The following SPHKAP variants were observed in gnomAD, a reference collection of about 807,000 sequenced individuals.
SPHKAP encodes A-kinase anchor protein SPHKAP.
A neutral mutation model predicts 137.5 loss-of-function variants in SPHKAP; 67 were observed. The observed-to-expected ratio is 0.49, with a 90% confidence interval of 0.40 to 0.60. SPHKAP has a LOEUF of 0.60. Among genes scored for constraint, SPHKAP ranks in the 20% least tolerant of loss-of-function variants. The pLI is 0.00. For synonymous variants in SPHKAP, 813 were observed against 785.3 expected, an observed-to-expected ratio of 1.04 and a Z score of -0.59; for missense variants, 2,097 against 2,069.3, an observed-to-expected ratio of 1.01 and a Z score of -0.26.
At chr2:228,093,926 G>C (rs968941725) in intron 3 of SPHKAP, among the ~76,000 whole-genome samples, 9 of 149,790 alleles carry the variant, frequency 6.0e-5, no homozygotes, top group South Asian at 2.1e-4. Context: ...CAGTTGCCTA[G>C]GCCTAAGGAG....
chr2:227,981,652 G>A lies in SPHKAP; in HGVS notation c.*65C>T. Reference sequence around the variant, plus strand: ...GTTTTGAGAATGTTTAGAGCATTTAGAACAAACCACTGTAATCTAAGTTGG... The same window carrying A: ...GTTTTGAGAATGTTTAGAGCATTTAAAACAAACCACTGTAATCTAAGTTGG... On this transcript the variant is annotated 3_prime_UTR_variant, in exon 12 of 12. Coordinates refer to ENST00000392056, the MANE Select transcript of SPHKAP (RefSeq NM_001142644.2). 6.5e-7 allele frequency: 1 copy of A among 1,548,450 alleles called. No individual in the cohort carries two copies. The highest frequency in any genetic ancestry group is 8.7e-7 in the Non-Finnish European group (1 of 1,150,226).
chr2:228,062,355 C>T (rs1274457202), intron 3 of SPHKAP, among the ~76,000 whole-genome samples: 3 of 151,934 alleles, frequency 2.0e-5, no homozygotes, highest in Admixed American at 6.5e-5. Context: ...GAACTCCTGA[C>T]CTCAGGTGAT....
chr2:228,127,365 T>C (rs1326731898), intron 2 of SPHKAP, among the ~76,000 whole-genome samples: 18 of 152,186 alleles, frequency 1.2e-4, no homozygotes, highest in Admixed American at 1.1e-3. Flanking sequence ...TGACTTTTTA[T>C]TGGGTGCTTT....
intron 7 of SPHKAP, 61 bp from the exon 8 acceptor site, chr2:227,995,755 T>A: frequency 1.4e-6 from 2 of 1,447,490 alleles, no homozygotes; most frequent in Non-Finnish European, 1.8e-6. Context: ...CACAGAAACT[T>A]CACAGAGCCA....
chr2:228,061,161 C>T (rs1696619118), intron 3 of SPHKAP, among the ~76,000 whole-genome samples: 1 of 152,186 alleles, frequency 6.6e-6, no homozygotes, highest in Admixed American at 6.5e-5. Context: ...AGCAGATGTG[C>T]TCTGTTGGTT....
chr2:228,030,240 G>A (rs1243173686), intron 3 of SPHKAP, among the ~76,000 whole-genome samples: 4 of 152,132 alleles, frequency 2.6e-5, no homozygotes, highest in East Asian at 1.9e-4. Context: ...TAACGGCCGC[G>A]TACGGTGGCT....
chr2:228,032,688 A>C (rs1042930981), intron 3 of SPHKAP, among the ~76,000 whole-genome samples: 6 of 152,208 alleles, frequency 3.9e-5, no homozygotes, highest in Non-Finnish European at 8.8e-5. Context: ...CTTGGCAGAA[A>C]CTCTACAAGC....
At chr2:228,037,888 G>A (rs1314243560) in intron 3 of SPHKAP, among the ~76,000 whole-genome samples, 2 of 152,178 alleles carry the variant, frequency 1.3e-5, no homozygotes, top group African/African-American at 4.8e-5. Context: ...AATAGACAAT[G>A]TGACTGGATT....
intron 1 of SPHKAP, among the ~76,000 whole-genome samples, chr2:228,146,834 T>C (rs2106393641): frequency 6.6e-6 from 1 of 152,352 alleles, no homozygotes; most frequent in African/African-American, 2.4e-5. Context: ...TTCCATGTCT[T>C]AGCTATTGTG....
At chr2:228,078,030 C>T (rs1174965697) in intron 3 of SPHKAP, among the ~76,000 whole-genome samples, 2 of 152,176 alleles carry the variant, frequency 1.3e-5, no homozygotes, top group African/African-American at 2.4e-5. Flanking sequence ...TTGCCTGCTG[C>T]CATCCACATA....
In SPHKAP at chr2:228,016,657, T is replaced by C; in HGVS notation, c.4197A>G (p.Leu1399=). The C allele has an allele frequency of 1.9e-6, 3 of 1,614,038 alleles. No individual in the cohort carries two copies. In the East Asian group the frequency reaches 6.7e-5, roughly 36 times the overall value. The change falls in exon 7 of 12, where the codon TTA becomes TTG. Residue 1399 remains leucine (L), a synonymous_variant. Coordinates refer to ENST00000392056, the MANE Select transcript of SPHKAP (RefSeq NM_001142644.2). Reference sequence around the variant, plus strand: ...ACGAGGAAGTTTCTTTTTTAGAATCTAAAGGGCTGTGGTTTGTAAGAGAAG... The same window carrying C: ...ACGAGGAAGTTTCTTTTTTAGAATCCAAAGGGCTGTGGTTTGTAAGAGAAG... ...KTASLTNHSP[L]DSKKETSSCQ... is the part of the protein sequence containing the mutation.
chr2:228,162,079 T>C (rs1700291687), intron 1 of SPHKAP, among the ~76,000 whole-genome samples: 1 of 152,226 alleles, frequency 6.6e-6, no homozygotes, highest in South Asian at 2.1e-4. Context: ...TTTGTTTTTA[T>C]TTTTGATAGA....
chr2:228,051,804 C>G (rs921170345), intron 3 of SPHKAP, among the ~76,000 whole-genome samples: 1 of 152,236 alleles, frequency 6.6e-6, no homozygotes. Context: ...GATTTCCTGT[C>G]TGGCGAGGGC....
chr2:228,138,235 C>G (rs568367674), intron 1 of SPHKAP, among the ~76,000 whole-genome samples: 1 of 152,272 alleles, frequency 6.6e-6, no homozygotes, highest in African/African-American at 2.4e-5. Context: ...TTGACATCCC[C>G]TCTTAGTAAT....
At chr2:228,049,998 A>G (rs866592817) in intron 3 of SPHKAP, among the ~76,000 whole-genome samples, 11 of 152,290 alleles carry the variant, frequency 7.2e-5, no homozygotes, top group South Asian at 4.1e-4. Flanking sequence ...CAACAAGAAA[A>G]AACAAATAAC....
At chr2:228,135,662 G>A (rs1699416547) in intron 1 of SPHKAP, among the ~76,000 whole-genome samples, 1 of 152,108 alleles carries the variant, frequency 6.6e-6, no homozygotes, top group Non-Finnish European at 1.5e-5. Context: ...TTGCCTGCAA[G>A]GCTGATGCCA....
At chr2:228,098,244 G>A (rs573167066) in intron 3 of SPHKAP, among the ~76,000 whole-genome samples, 66 of 152,064 alleles carry the variant, frequency 4.3e-4, no homozygotes, top group African/African-American at 1.5e-3. Context: ...CTGATGTTGA[G>A]CATTTTTTCA....
intron 1 of SPHKAP, among the ~76,000 whole-genome samples, chr2:228,142,435 G>A (rs936597821): frequency 5.3e-5 from 8 of 151,354 alleles, no homozygotes; most frequent in Non-Finnish European, 1.2e-4. Context: ...TGGCACCAGT[G>A]CACTCCAGCC....
chr2:228,100,198 T>A (rs1017352983), intron 3 of SPHKAP, among the ~76,000 whole-genome samples: 1 of 152,244 alleles, frequency 6.6e-6, no homozygotes, highest in Non-Finnish European at 1.5e-5. Context: ...CCCGAAACTT[T>A]ATTAAAGTTG....
Sources: allele counts gnomAD v4.1 joint callset (sites outside exome capture counted in the v4.1 genomes callset), GRCh38; gene constraint gnomAD v4.1.1; transcripts MANE v1.5; gene names NCBI Gene and HGNC (gene_info 2026-07-23, HGNC 2026-07-21).